The following CTNNBIP1 variants were observed in gnomAD, a reference collection of about 807,000 sequenced individuals.
CTNNBIP1 encodes beta-catenin-interacting protein 1.
A neutral mutation model predicts 11.8 loss-of-function variants in CTNNBIP1; 7 were observed. The observed-to-expected ratio is 0.60, with a 90% CI of 0.34 to 1.12. The LOEUF (loss-of-function observed/expected upper bound fraction) is 1.12, where lower values mean the gene tolerates loss of function less well. Ranked by LOEUF, CTNNBIP1 falls within the 50% of genes most tolerant of loss-of-function variation. CTNNBIP1 has a pLI of 0.03. For missense variants in CTNNBIP1, 101 were observed against 113.4 expected, an observed-to-expected ratio of 0.89 and a Z score of 0.50; for synonymous variants, 58 against 43.9, an observed-to-expected ratio of 1.32 and a Z score of -1.26.
At chr1:9,861,692 A>G (rs985520493) in intron 5 of CTNNBIP1, among the ~76,000 whole-genome samples, 4 of 152,194 alleles carry the variant, frequency 2.6e-5, no homozygotes, top group Non-Finnish European at 1.5e-5. Flanking sequence ...CAGTAGAGAC[A>G]TCAGGCCTCC....
chr1:9,874,892 T>C (rs1638933000), intron 3 of CTNNBIP1, among the ~76,000 whole-genome samples: 1 of 152,240 alleles, frequency 6.6e-6, no homozygotes, highest in Non-Finnish European at 1.5e-5. Context: ...TATTGTGTTC[T>C]CCAAAGAACA....
At chr1:9,905,719 C>T (rs1400998980) in intron 1 of CTNNBIP1, among the ~76,000 whole-genome samples, 1 of 151,988 alleles carries the variant, frequency 6.6e-6, no homozygotes, top group Non-Finnish European at 1.5e-5. Flanking sequence ...CGTGAACCAC[C>T]GCGCCCGGCC....
chr1:9,869,395 C>T (rs980422983), intron 5 of CTNNBIP1, among the ~76,000 whole-genome samples: 9 of 151,896 alleles, frequency 5.9e-5, no homozygotes, highest in African/African-American at 1.5e-4. Flanking sequence ...TTTTTTGAGA[C>T]GGAGTCTTGC....
At chr1:9,880,901 C>T (rs951273933) in intron 2 of CTNNBIP1, among the ~76,000 whole-genome samples, 10 of 152,230 alleles carry the variant, frequency 6.6e-5, no homozygotes, top group African/African-American at 2.4e-4. Flanking sequence ...AGATCGTGAC[C>T]TCTATCACGT....
At position 9,871,901 on chromosome 1, in the gene CTNNBIP1, C is replaced by T. The variant is rs1638870240; in HGVS notation, c.96+68G>A. 2.1e-6 allele frequency: 3 copies of T among 1,395,852 alleles called. No individual in the cohort carries two copies. The highest frequency in any genetic ancestry group is 3.0e-6 in the Non-Finnish European group (3 of 985,158). The allele number at this position is 1,395,852 out of a possible 1,614,324, so 86.5% of individuals were successfully genotyped here. The stretch of plus-strand genomic sequence containing the variant: ...CCGCAGTGGCTCCACCCTCCAATAG[C>T]CCAGCAGGGCCCCTCCCTGGGAGAC... On this transcript the variant is annotated intron_variant, in intron 4 of 5. Coordinates refer to ENST00000377263, the MANE Select transcript of CTNNBIP1 (RefSeq NM_020248.3). The surrounding 1 kb of genome is among the most constrained non-coding windows in gnomAD (Gnocchi z 5.2).
chr1:9,902,600 G>A (rs1639542901), intron 1 of CTNNBIP1, among the ~76,000 whole-genome samples: 1 of 152,064 alleles, frequency 6.6e-6, no homozygotes, highest in Non-Finnish European at 1.5e-5. Context: ...TCCACTCAGG[G>A]CAGGTAGCCA....
intron 5 of CTNNBIP1, among the ~76,000 whole-genome samples, chr1:9,869,310 T>C (rs1638809962): frequency 6.6e-6 from 1 of 152,176 alleles, no homozygotes; most frequent in African/African-American, 2.4e-5. Flanking sequence ...ACCAGCTTTT[T>C]TTTCTATGTG....
intron 1 of CTNNBIP1, among the ~76,000 whole-genome samples, chr1:9,906,928 A>G (rs575473483): frequency 6.6e-6 from 1 of 152,064 alleles, no homozygotes; most frequent in Non-Finnish European, 1.5e-5. Context: ...CTGGCCTCAG[A>G]AAGCTTAGAG....
intron 5 of CTNNBIP1, among the ~76,000 whole-genome samples, chr1:9,862,701 C>G (rs1388462184): frequency 6.6e-6 from 1 of 152,240 alleles, no homozygotes; most frequent in Non-Finnish European, 1.5e-5. Flanking sequence ...CATGCATTCT[C>G]CAAGGCCCCG....
At chr1:9,891,781 ATTTTTTTT>A (rs70998316) in intron 1 of CTNNBIP1, among the ~76,000 whole-genome samples, 4 of 81,410 alleles carry the variant, frequency 4.9e-5, no homozygotes, top group Non-Finnish European at 6.7e-5. Flanking sequence ...ATCTCTTTAA[ATTTTTTTT>A]TTTTTTTTTT....
chr1:9,895,097 CA>C (rs747592254), intron 1 of CTNNBIP1, among the ~76,000 whole-genome samples: 8 of 150,870 alleles, frequency 5.3e-5, no homozygotes, highest in Non-Finnish European at 1.0e-4. Flanking sequence ...TTAGTAGAGA[CA>C]GGGTTTCACC....
chr1:9,862,463 C>G (rs1321660349), intron 5 of CTNNBIP1, among the ~76,000 whole-genome samples: 2 of 152,216 alleles, frequency 1.3e-5, no homozygotes, highest in African/African-American at 4.8e-5. Context: ...AATTCCCAGG[C>G]TCATCTGGCA....
At chr1:9,882,324 G>A (rs758887656) in intron 2 of CTNNBIP1, among the ~76,000 whole-genome samples, 1 of 152,246 alleles carries the variant, frequency 6.6e-6, no homozygotes, top group Non-Finnish European at 1.5e-5. Context: ...CATGTGATGA[G>A]AGGCTTCCAA....
chr1:9,893,806 T>C (rs1249601852), intron 1 of CTNNBIP1, among the ~76,000 whole-genome samples: 2 of 152,192 alleles, frequency 1.3e-5, no homozygotes, highest in Admixed American at 6.5e-5. Flanking sequence ...GGACAAAGCA[T>C]GCTAGGTCTT....
At chr1:9,860,761 A>G (rs1638609931) in intron 5 of CTNNBIP1, among the ~76,000 whole-genome samples, 1 of 152,118 alleles carries the variant, frequency 6.6e-6, no homozygotes, top group South Asian at 2.1e-4. Flanking sequence ...CTTGCTGGCC[A>G]GAACTTCCCA....
intron 5 of CTNNBIP1, among the ~76,000 whole-genome samples, chr1:9,865,896 C>T (rs1214992281): frequency 6.6e-6 from 1 of 152,192 alleles, no homozygotes; most frequent in African/African-American, 2.4e-5. Context: ...GGACTCAGCA[C>T]TCCACAGGCC....
intron 2 of CTNNBIP1, among the ~76,000 whole-genome samples, chr1:9,880,011 GCAGGTTACA>G (rs1639049981): frequency 6.6e-6 from 1 of 152,160 alleles, no homozygotes; most frequent in Non-Finnish European, 1.5e-5. Flanking sequence ...TGCAGAACGT[GCAGGTTACA>G]CAGGTATGTA....
At chr1:9,885,147 G>C (rs756868853) in intron 1 of CTNNBIP1, among the ~76,000 whole-genome samples, 2 of 152,168 alleles carry the variant, frequency 1.3e-5, no homozygotes, top group African/African-American at 4.8e-5. Flanking sequence ...GAGGGTTCAA[G>C]GCAGCCAGCT....
intron 5 of CTNNBIP1, among the ~76,000 whole-genome samples, chr1:9,853,254 GA>G (rs1485645638): frequency 1.3e-5 from 2 of 152,222 alleles, no homozygotes; most frequent in Non-Finnish European, 2.9e-5. Context: ...CCTTTGGGAT[GA>G]AAGAGAAGGC....
Sources: allele counts gnomAD v4.1 joint callset (sites outside exome capture counted in the v4.1 genomes callset), GRCh38; gene constraint gnomAD v4.1.1; non-coding constraint Gnocchi (gnomAD v3.1); transcripts MANE v1.5; gene names NCBI Gene and HGNC (gene_info 2026-07-23, HGNC 2026-07-21).